KLHL8: variants seen among roughly 807,000 people sequenced by gnomAD.
KLHL8 encodes the protein kelch-like protein 8.
Under a neutral mutation model 63.5 loss-of-function variants are expected in KLHL8, and 38 were observed. The observed-to-expected ratio is 0.60, with a 90% CI of 0.46 to 0.78. The LOEUF is 0.78. Among genes scored for constraint, KLHL8 ranks in the 30% least tolerant of loss-of-function variants. KLHL8 has a pLI of 0.00. For synonymous variants in KLHL8, 224 were observed against 254.3 expected (o/e 0.88, Z 1.13); for missense variants, 566 against 752.4 (o/e 0.75, Z 2.90).
At chr4:87,198,167 A>C (rs1037492014) in intron 1 of KLHL8, among the ~76,000 whole-genome samples, 1 of 152,070 alleles carries the variant, frequency 6.6e-6, no homozygotes, top group Non-Finnish European at 1.5e-5. Flanking sequence ...AAAAAATACA[A>C]AAACCAGCCA....
chr4:87,220,753 C>G (rs1037886281), upstream of KLHL8: 4 of 152,220 alleles, frequency 2.6e-5, no homozygotes, highest in African/African-American at 9.7e-5. Flanking sequence ...AGGGACTGGG[C>G]AGTGTTGCCC....
intron 4 of KLHL8, among the ~76,000 whole-genome samples, chr4:87,181,191 T>TG: frequency 6.7e-6 from 1 of 149,528 alleles, no homozygotes; most frequent in Non-Finnish European, 1.5e-5. Flanking sequence ...CTTTGGGAGG[T>TG]TGAGGTGGGT....
Position 87,185,518 on chromosome 4 carries a change from G to T in KLHL8, c.498C>A (p.Pro166=). ...CCEYMKLHFH[P]SNCLAVRAFA... ...AGGCTCTTACTGCCAGGCAATTGGA[G>T]GGATGAAAATGTAACTTCATGTATT... is the stretch of plus-strand genomic sequence containing the variant. The change falls in exon 3 of 10, where the codon CCC becomes CCA. Residue 166 remains proline, a synonymous_variant. Transcript: ENST00000273963. 1 of 1,614,172 alleles carries T rather than the reference G, an allele frequency of 6.2e-7. No individual in the cohort carries two copies. The highest frequency in any genetic ancestry group is 1.1e-5 in the South Asian group (1 of 91,086).
At chr4:87,182,084 C>T (rs559677925) in intron 4 of KLHL8, among the ~76,000 whole-genome samples, 4 of 151,942 alleles carry the variant, frequency 2.6e-5, no homozygotes, top group African/African-American at 9.7e-5. Context: ...AAAAAATTAG[C>T]TGGGCATGGT....
At position 87,162,821 on chromosome 4, in the gene KLHL8, G is replaced by GA. The variant is rs1730223886; in HGVS notation, c.*697dup. 6.6e-6 allele frequency: 1 copy of GA among 152,086 alleles called. No homozygotes were observed. The highest frequency in any genetic ancestry group is 2.4e-5 in the African/African-American group (1 of 41,422). The allele number at this position is 152,086 out of a possible 1,614,324, so 9.4% of individuals were successfully genotyped here. A position where few individuals can be genotyped will look rare whatever the true frequency, so the allele number is the denominator to read the frequency against. On this transcript the variant is annotated 3_prime_UTR_variant, in exon 10 of 10. Coordinates refer to ENST00000273963, the MANE Select transcript of KLHL8 (RefSeq NM_020803.5). ...GTAACAAATACTTTTTGCAAAAGAT[G>GA]AAAAAATAAAACTGTAAAATCATTT...
rs751701752 is a variant in KLHL8 at position 87,170,634 on chromosome 4, A to G, written c.1209-19T>C. The G allele has an allele frequency of 1.9e-6, 3 of 1,584,600 alleles. No homozygotes were observed. The highest frequency in any genetic ancestry group is 1.7e-6 in the Non-Finnish European group (2 of 1,170,682). ...TCCTCGCCTGCAAAGACAATAAAAC[A>G]TACTTTAGCAAATGAGTTTGTTTCC... On this transcript the variant is annotated intron_variant, in intron 6 of 9. Coordinates refer to ENST00000273963, the MANE Select transcript of KLHL8 (RefSeq NM_020803.5).
At chr4:87,226,835 ATAATAT>A (rs1469028107) in intron 1 of KLHL8, among the ~76,000 whole-genome samples, 45 of 8,648 alleles carry the variant, frequency 5.2e-3, no homozygotes, top group East Asian at 0.016. Flanking sequence ...TTATTTATAA[ATAATAT>A]ATATATTATA....
At chr4:87,169,868 GAAA>G (rs5860062) in intron 8 of KLHL8, among the ~76,000 whole-genome samples, 6 of 145,878 alleles carry the variant, frequency 4.1e-5, no homozygotes, top group Non-Finnish European at 7.6e-5. Context: ...GTCTCCCTCT[GAAA>G]AAAAAAAAAA....
chr4:87,166,552 T>TA (rs1224169430), intron 8 of KLHL8, among the ~76,000 whole-genome samples: 1 of 152,236 alleles, frequency 6.6e-6, no homozygotes, highest in Non-Finnish European at 1.5e-5. Flanking sequence ...TTCTGAAAGA[T>TA]AGACATTATT....
At chr4:87,238,353 C>G (rs1338411896) in intron 1 of KLHL8, among the ~76,000 whole-genome samples, 1 of 152,124 alleles carries the variant, frequency 6.6e-6, no homozygotes, top group African/African-American at 2.4e-5. Context: ...TTTCATAAAG[C>G]ATTTAAGTCA....
intron 6 of KLHL8, among the ~76,000 whole-genome samples, chr4:87,171,588 T>A (rs1395249858): frequency 6.6e-6 from 1 of 152,236 alleles, no homozygotes; most frequent in Admixed American, 6.5e-5. Flanking sequence ...CAAGTACATG[T>A]GTTCTCTAGA....
intron 1 of KLHL8, among the ~76,000 whole-genome samples, chr4:87,225,774 C>G (rs1359499984): frequency 6.6e-6 from 1 of 152,216 alleles, no homozygotes; most frequent in Non-Finnish European, 1.5e-5. Flanking sequence ...ATGACCACTG[C>G]TAGTTCTGTT....
intron 1 of KLHL8, chr4:87,207,484 G>A: frequency 1.3e-6 from 1 of 774,900 alleles, no homozygotes; most frequent in Non-Finnish European, 2.3e-6. Flanking sequence ...GTTAGTGATG[G>A]GCATGAACCA....
At chr4:87,234,510 C>A (rs1733194392) in intron 1 of KLHL8, among the ~76,000 whole-genome samples, 1 of 151,692 alleles carries the variant, frequency 6.6e-6, no homozygotes, top group African/African-American at 2.4e-5. Flanking sequence ...ATGATAATGT[C>A]CTGCACAACG....
At position 87,163,583 on chromosome 4, in the gene KLHL8, G is replaced by C; in HGVS notation, c.1799C>G (p.Ser600Cys). 3.1e-6 allele frequency: 5 copies of C among 1,614,084 alleles called. No individual in the cohort carries two copies. The highest frequency in any genetic ancestry group is 4.2e-6 in the Non-Finnish European group (5 of 1,179,992). The change falls in exon 10 of 10, where the codon TCC (serine) becomes TGC (cysteine). Residue 600 changes from serine to cysteine, a missense_variant. Coordinates refer to ENST00000273963, the MANE Select transcript of KLHL8 (RefSeq NM_020803.5). ...CRAGAGVAVC[S>C]CLTSQIRDVG... ...ATCTCGAATTTGGCTAGTTAAACAG[G>C]AACACACAGCTACTCCTGCTCCAGC...
At chr4:87,186,856 T>C (rs1013586860) in intron 2 of KLHL8, among the ~76,000 whole-genome samples, 5 of 152,148 alleles carry the variant, frequency 3.3e-5, no homozygotes, top group Non-Finnish European at 5.9e-5. Context: ...CCACAATTTA[T>C]CAATCAGAAA....
At chr4:87,188,571 C>T (rs1431947080) in intron 2 of KLHL8, among the ~76,000 whole-genome samples, 3 of 152,142 alleles carry the variant, frequency 2.0e-5, no homozygotes, top group Non-Finnish European at 4.4e-5. Flanking sequence ...GAATAAATAT[C>T]CATCTTTATT....
chr4:87,226,583 CTA>C (rs1260775303), intron 1 of KLHL8, among the ~76,000 whole-genome samples: 3 of 82,644 alleles, frequency 3.6e-5, no homozygotes, highest in African/African-American at 5.4e-5. Flanking sequence ...CTCTCTCTCT[CTA>C]TATATATAAA....
upstream of KLHL8, among the ~76,000 whole-genome samples, chr4:87,223,472 C>T (rs1422486408): frequency 6.6e-6 from 1 of 152,092 alleles, no homozygotes; most frequent in Non-Finnish European, 1.5e-5. Context: ...AGACACTGAG[C>T]TAGGAACTGG....
Sources: allele counts gnomAD v4.1 joint callset (sites outside exome capture counted in the v4.1 genomes callset), GRCh38; gene constraint gnomAD v4.1.1; transcripts MANE v1.5; gene names NCBI Gene and HGNC (gene_info 2026-07-23, HGNC 2026-07-21).